CADM2: variants seen among roughly 807,000 people sequenced by gnomAD.
CADM2 encodes the protein cell adhesion molecule 2.
CADM2 carries 12 observed loss-of-function variants against 49.8 expected under a neutral mutation model. The observed-to-expected ratio is 0.24, with a 90% CI of 0.15 to 0.39. CADM2 has a LOEUF of 0.39. Among genes scored for constraint, CADM2 ranks in the 10% least tolerant of loss-of-function variants. The pLI is 1.00. For synonymous variants in CADM2, 214 were observed against 175.4 expected, an observed-to-expected ratio of 1.22 and a Z score of -1.74; for missense variants, 378 against 492.3, an observed-to-expected ratio of 0.77 and a Z score of 2.20.
intron 1 of CADM2, among the ~76,000 whole-genome samples, chr3:85,690,914 G>A (rs1462590591): frequency 2.0e-5 from 3 of 152,080 alleles, no homozygotes; most frequent in African/African-American, 7.2e-5. Context: ...TCATTTCTTT[G>A]TGATGAGAAC....
intron 1 of CADM2, among the ~76,000 whole-genome samples, chr3:85,532,790 A>C (rs1278734336): frequency 6.6e-6 from 1 of 152,246 alleles, no homozygotes; most frequent in East Asian, 1.9e-4. Context: ...GGATAAAGAA[A>C]ATGTGGTACA....
chr3:86,063,843 G>A (rs1256013480), intron 8 of CADM2, among the ~76,000 whole-genome samples: 1 of 151,938 alleles, frequency 6.6e-6, no homozygotes, highest in Non-Finnish European at 1.5e-5. Context: ...ATTATAAATA[G>A]CTATCCTGAG....
chr3:85,426,693 C>T (rs987505188), intron 1 of CADM2, among the ~76,000 whole-genome samples: 2 of 151,702 alleles, frequency 1.3e-5, no homozygotes, highest in African/African-American at 4.8e-5. Flanking sequence ...CTATAGTCAC[C>T]CAGTTGTGCT....
intron 2 of CADM2, among the ~76,000 whole-genome samples, chr3:85,735,500 AG>A (rs2107808045): frequency 6.6e-6 from 1 of 152,278 alleles, no homozygotes; most frequent in African/African-American, 2.4e-5. Flanking sequence ...AGTGAAGTAG[AG>A]AGCCATGGGA....
chr3:85,258,635 A>G (rs2042943582), intron 1 of CADM2, among the ~76,000 whole-genome samples: 1 of 152,116 alleles, frequency 6.6e-6, no homozygotes, highest in Admixed American at 6.6e-5. Context: ...TACCGTATCC[A>G]TTAAAATCTA....
At chr3:85,923,388 C>A (rs1719395019) in intron 6 of CADM2, among the ~76,000 whole-genome samples, 1 of 152,016 alleles carries the variant, frequency 6.6e-6, no homozygotes, top group African/African-American at 2.4e-5. Flanking sequence ...GTTTTACTGT[C>A]ATTTTAAGAG....
chr3:85,976,523 G>A (rs998685504), intron 8 of CADM2, among the ~76,000 whole-genome samples: 1 of 151,328 alleles, frequency 6.6e-6, no homozygotes, highest in African/African-American at 2.4e-5. Context: ...GAAATAATGG[G>A]GTGGTCTTTA....
chr3:85,424,543 T>C (rs1246427223), intron 1 of CADM2, among the ~76,000 whole-genome samples: 1 of 152,084 alleles, frequency 6.6e-6, no homozygotes, highest in African/African-American at 2.4e-5. Flanking sequence ...TCACCCCAAT[T>C]GATGGGCTCT....
intron 2 of CADM2, among the ~76,000 whole-genome samples, chr3:85,767,904 C>T (rs1056489272): frequency 3.9e-5 from 6 of 152,046 alleles, no homozygotes; most frequent in East Asian, 1.9e-4. Context: ...CTTAAACTTA[C>T]GTATGTATCT....
intron 1 of CADM2, among the ~76,000 whole-genome samples, chr3:85,033,586 G>A (rs1316411522): frequency 6.6e-6 from 1 of 152,084 alleles, no homozygotes; most frequent in Admixed American, 6.6e-5. Context: ...TATTGTCAGG[G>A]ACTAGAATAT....
chr3:84,996,513 A>C (rs1208436838), intron 1 of CADM2, among the ~76,000 whole-genome samples: 2 of 152,132 alleles, frequency 1.3e-5, no homozygotes, highest in Non-Finnish European at 2.9e-5. Flanking sequence ...GTAGTTATTT[A>C]CATTGCTTTA....
At chr3:85,602,721 C>A (rs2063443954) in intron 1 of CADM2, among the ~76,000 whole-genome samples, 1 of 151,702 alleles carries the variant, frequency 6.6e-6, no homozygotes, top group African/African-American at 2.4e-5. Flanking sequence ...AAAGTGTCAT[C>A]AACAGTAGTA....
chr3:86,042,272 A>G (rs1462780275), intron 8 of CADM2, among the ~76,000 whole-genome samples: 1 of 152,166 alleles, frequency 6.6e-6, no homozygotes, highest in Non-Finnish European at 1.5e-5. Flanking sequence ...ACCCTTCAAA[A>G]AATCAATGAA....
intron 1 of CADM2, among the ~76,000 whole-genome samples, chr3:85,481,030 T>A (rs967494313): frequency 1.3e-5 from 2 of 151,498 alleles, no homozygotes; most frequent in Non-Finnish European, 3.0e-5. Flanking sequence ...TGAACTTGAT[T>A]CATCTTTCAT....
At chr3:85,626,158 A>T (rs999432037) in intron 1 of CADM2, among the ~76,000 whole-genome samples, 13 of 151,974 alleles carry the variant, frequency 8.6e-5, no homozygotes, top group African/African-American at 2.9e-4. Context: ...TATACACTGT[A>T]TTCTTTGGAG....
intron 1 of CADM2, among the ~76,000 whole-genome samples, chr3:85,592,971 G>A (rs1403688560): frequency 6.6e-6 from 1 of 151,726 alleles, no homozygotes; most frequent in African/African-American, 2.4e-5. Context: ...CTCTTCTTGT[G>A]TTAGTTTGCT....
intron 1 of CADM2, among the ~76,000 whole-genome samples, chr3:85,525,975 T>C (rs902489212): frequency 7.9e-5 from 12 of 152,138 alleles, no homozygotes; most frequent in African/African-American, 2.9e-4. Flanking sequence ...TTTTTACCTT[T>C]ACATAGTTAT....
At chr3:85,329,450 A>G (rs1452978246) in intron 1 of CADM2, among the ~76,000 whole-genome samples, 2 of 151,796 alleles carry the variant, frequency 1.3e-5, no homozygotes, top group Non-Finnish European at 2.9e-5. Context: ...CACACCTGTA[A>G]TCCCAGCTAC....
intron 1 of CADM2, among the ~76,000 whole-genome samples, chr3:84,966,104 C>A (rs1234285271): frequency 6.6e-6 from 1 of 152,136 alleles, no homozygotes; most frequent in East Asian, 1.9e-4. Context: ...CCCAGTTGGT[C>A]CTGTTAATGT....
Sources: allele counts gnomAD v4.1 joint callset (sites outside exome capture counted in the v4.1 genomes callset), GRCh38; gene constraint gnomAD v4.1.1; transcripts MANE v1.5; gene names NCBI Gene and HGNC (gene_info 2026-07-23, HGNC 2026-07-21).